Variants in GRIP1 observed in about 807,000 individuals in gnomAD.
GRIP1 encodes the protein glutamate receptor interacting protein 1.
A neutral mutation model predicts 129.9 loss-of-function variants in GRIP1; 45 were observed. The ratio of observed to expected loss-of-function variants is 0.35; its 90% CI spans 0.27 to 0.44. The LOEUF (loss-of-function observed/expected upper bound fraction) is 0.44, where lower values mean the gene tolerates loss of function less well. GRIP1 is among the 20% of genes least tolerant of loss of function. The probability of loss-of-function intolerance (pLI) is 1.00; values close to 1 mark genes in which losing one functional copy is unlikely to be tolerated. For missense variants in GRIP1, 1,196 were observed against 1,396.8 expected, an observed-to-expected ratio of 0.86 and a Z score of 2.29; for synonymous variants, 530 against 520.8, an observed-to-expected ratio of 1.02 and a Z score of -0.24.
intron 1 of GRIP1, among the ~76,000 whole-genome samples, chr12:67,020,041 C>T (rs1327630834): frequency 1.3e-5 from 2 of 152,104 alleles, no homozygotes; most frequent in Non-Finnish European, 2.9e-5. Context: ...ATATGAACCC[C>T]TCTAGAAGTT....
chr12:66,593,484 A>G (rs2063919538), intron 2 of GRIP1, among the ~76,000 whole-genome samples: 2 of 152,246 alleles, frequency 1.3e-5, no homozygotes, highest in African/African-American at 4.8e-5. Flanking sequence ...TCATGGAAAT[A>G]GTAGAGTCTA....
At chr12:66,859,349 C>G (rs2040071552) in intron 1 of GRIP1, among the ~76,000 whole-genome samples, 1 of 149,186 alleles carries the variant, frequency 6.7e-6, no homozygotes, top group Admixed American at 6.7e-5. Context: ...TATTTAGTTC[C>G]TTTAGCATTT....
intron 1 of GRIP1, among the ~76,000 whole-genome samples, chr12:66,729,550 A>G (rs981227314): frequency 5.9e-5 from 9 of 152,124 alleles, no homozygotes; most frequent in Non-Finnish European, 8.8e-5. Context: ...GTCGCATGCT[A>G]CTCAATGATG....
At chr12:67,052,070 A>G (rs1004840232) in intron 1 of GRIP1, among the ~76,000 whole-genome samples, 3 of 152,218 alleles carry the variant, frequency 2.0e-5, no homozygotes, top group Admixed American at 6.5e-5. Flanking sequence ...TCAATCCTTT[A>G]TCCAGGTATG....
intron 1 of GRIP1, among the ~76,000 whole-genome samples, chr12:66,668,637 G>A (rs1229017906): frequency 6.6e-6 from 1 of 152,162 alleles, no homozygotes; most frequent in Non-Finnish European, 1.5e-5. Context: ...CCTCAGAAAA[G>A]GCCGAGTGCA....
intron 1 of GRIP1, among the ~76,000 whole-genome samples, chr12:66,754,564 C>T (rs915433729): frequency 6.6e-6 from 1 of 152,150 alleles, no homozygotes; most frequent in African/African-American, 2.4e-5. Context: ...CTAGCAAGGG[C>T]AGAGAGCCGT....
intron 1 of GRIP1, among the ~76,000 whole-genome samples, chr12:66,715,596 C>T (rs955556067): frequency 6.6e-6 from 1 of 151,310 alleles, no homozygotes; most frequent in Non-Finnish European, 1.5e-5. Context: ...AAAAGGAGAG[C>T]CTGGCATAAG....
At chr12:66,790,511 G>A (rs1041197732) in intron 1 of GRIP1, among the ~76,000 whole-genome samples, 15 of 152,074 alleles carry the variant, frequency 9.9e-5, no homozygotes, top group Non-Finnish European at 2.1e-4. Flanking sequence ...CATTTATTAA[G>A]CTCTAACTAT....
intron 1 of GRIP1, among the ~76,000 whole-genome samples, chr12:66,720,485 T>C (rs2036025432): frequency 6.6e-6 from 1 of 152,204 alleles, no homozygotes; most frequent in South Asian, 2.1e-4. Flanking sequence ...CAGGAAAGGT[T>C]TCTCTGTAGC....
chr12:66,666,125 G>A (rs920970543), intron 1 of GRIP1, among the ~76,000 whole-genome samples: 8 of 151,838 alleles, frequency 5.3e-5, no homozygotes, highest in East Asian at 1.9e-4. Context: ...TAACATTTAC[G>A]TTCCCTTCCT....
intron 1 of GRIP1, among the ~76,000 whole-genome samples, chr12:66,699,118 C>T (rs2035263468): frequency 6.6e-6 from 1 of 152,122 alleles, no homozygotes; most frequent in Non-Finnish European, 1.5e-5. Flanking sequence ...GACTAAACAC[C>T]ATCTTTCCCT....
chr12:66,507,464 A>G (rs963020125), intron 7 of GRIP1, among the ~76,000 whole-genome samples: 2 of 152,026 alleles, frequency 1.3e-5, no homozygotes, highest in African/African-American at 4.8e-5. Context: ...AAAGAAATCA[A>G]TAAAGTATGA....
At chr12:66,459,623 A>C (rs1187705875) in intron 9 of GRIP1, among the ~76,000 whole-genome samples, 1 of 152,260 alleles carries the variant, frequency 6.6e-6, no homozygotes, top group African/African-American at 2.4e-5. Flanking sequence ...GTTAAAGGTC[A>C]TACCATTTAC....
intron 7 of GRIP1, among the ~76,000 whole-genome samples, chr12:66,485,036 A>G (rs1405186269): frequency 6.6e-6 from 1 of 152,146 alleles, no homozygotes; most frequent in Non-Finnish European, 1.5e-5. Context: ...TTCTGTAGGA[A>G]CCATAACTAG....
At chr12:66,923,905 C>T (rs770437088) in intron 1 of GRIP1, among the ~76,000 whole-genome samples, 9 of 151,980 alleles carry the variant, frequency 5.9e-5, no homozygotes, top group East Asian at 5.8e-4. Context: ...AGTGTAATGG[C>T]GCCATCTCAG....
At chr12:66,579,405 A>G (rs918466016) in intron 2 of GRIP1, among the ~76,000 whole-genome samples, 2 of 152,266 alleles carry the variant, frequency 1.3e-5, no homozygotes, top group Admixed American at 1.3e-4. Flanking sequence ...ACAAAGCTGG[A>G]CGGAGAATGA....
At chr12:66,998,831 C>T (rs1224799080) in intron 1 of GRIP1, among the ~76,000 whole-genome samples, 1 of 152,170 alleles carries the variant, frequency 6.6e-6, no homozygotes, top group East Asian at 1.9e-4. Flanking sequence ...TTCCTGGCTG[C>T]ATTAACATCT....
At chr12:66,800,187 ATATTCATGTTCCTCCCTCTCTCCAGTT>A (rs1453120765) in intron 1 of GRIP1, among the ~76,000 whole-genome samples, 1 of 152,170 alleles carries the variant, frequency 6.6e-6, no homozygotes, top group African/African-American at 2.4e-5. Context: ...GGTCTAAGCC[ATATTCATGTTCCTCCCTCTCTCCAGTT>A]TCCCTGAAAT....
chr12:66,868,125 T>C (rs2040236192), intron 1 of GRIP1, among the ~76,000 whole-genome samples: 1 of 152,116 alleles, frequency 6.6e-6, no homozygotes, highest in Admixed American at 6.5e-5. Flanking sequence ...TTCACTCAAA[T>C]TTAAGCAAAA....
Sources: allele counts gnomAD v4.1 joint callset (sites outside exome capture counted in the v4.1 genomes callset), GRCh38; gene constraint gnomAD v4.1.1; transcripts MANE v1.5; gene names NCBI Gene and HGNC (gene_info 2026-07-23, HGNC 2026-07-21).